DNM3: variants seen among roughly 807,000 people sequenced by gnomAD.
DNM3 encodes the protein dynamin-3.
In DNM3, 47 loss-of-function variants were observed where a neutral mutation model predicts 101.6. The observed-to-expected ratio is 0.46, with a 90% CI of 0.37 to 0.59. DNM3 has a LOEUF of 0.59. Among genes scored for constraint, DNM3 ranks in the 20% least tolerant of loss-of-function variants. The pLI, the probability that DNM3 is intolerant of heterozygous loss-of-function variation, is 0.00. For synonymous variants in DNM3, 385 were observed against 387.9 expected, an observed-to-expected ratio of 0.99 and a Z score of 0.09; for missense variants, 849 against 1,085.7, an observed-to-expected ratio of 0.78 and a Z score of 3.06.
chr1:171,996,388 G>T (rs1304565218), intron 4 of DNM3, among the ~76,000 whole-genome samples: 2 of 152,212 alleles, frequency 1.3e-5, no homozygotes, highest in Non-Finnish European at 2.9e-5. Context: ...CTAGAGGTTG[G>T]TATGGGTGAG....
At chr1:171,922,906 T>C (rs2040289894) in intron 2 of DNM3, among the ~76,000 whole-genome samples, 1 of 152,252 alleles carries the variant, frequency 6.6e-6, no homozygotes, top group African/African-American at 2.4e-5. Flanking sequence ...CCTAATAATA[T>C]TCCATTGTCT....
At chr1:171,937,750 T>C (rs943406779) in intron 2 of DNM3, among the ~76,000 whole-genome samples, 2 of 119,128 alleles carry the variant, frequency 1.7e-5, no homozygotes, top group African/African-American at 5.7e-5. Context: ...TTCTATTTTT[T>C]GTACAGAGAT....
intron 14 of DNM3, among the ~76,000 whole-genome samples, chr1:172,166,051 T>G (rs1452875009): frequency 1.3e-5 from 2 of 152,088 alleles, no homozygotes; most frequent in Non-Finnish European, 2.9e-5. Context: ...TTGCATCCTG[T>G]CCTAATCACT....
At chr1:171,944,074 C>T (rs1420084271) in intron 2 of DNM3, among the ~76,000 whole-genome samples, 9 of 152,138 alleles carry the variant, frequency 5.9e-5, no homozygotes. Flanking sequence ...GTCTCTGTTG[C>T]AGCTACTCAA....
chr1:172,198,982 T>C (rs1326624938), intron 14 of DNM3, among the ~76,000 whole-genome samples: 1 of 152,240 alleles, frequency 6.6e-6, no homozygotes, highest in Admixed American at 6.5e-5. Context: ...CTTCTCTAAT[T>C]ATTTCAGTTG....
intron 14 of DNM3, among the ~76,000 whole-genome samples, chr1:172,222,929 T>TG (rs1355467603): frequency 1.3e-5 from 2 of 152,172 alleles, no homozygotes; most frequent in Non-Finnish European, 1.5e-5. Flanking sequence ...TCTTTTTAAA[T>TG]TTTTTAAGTG....
rs1382996227 is a variant in DNM3 at position 171,959,627 on chromosome 1, G to A, written c.236-28029G>A. Among the ~76,000 whole-genome samples the A allele has an allele frequency of 2.0e-5, 3 of 152,250 alleles. No homozygotes were observed. The East Asian group carries it at 5.8e-4, about 29-fold the overall frequency. On this transcript the variant is annotated intron_variant, in intron 2 of 20. Transcript: ENST00000627582. ...AAAACAACAACAACAAAAGTGAAAA[G>A]AAAGTAATCCTGGGAAGCACCAGCA...
chr1:172,290,026 A>G (rs2063842563), intron 15 of DNM3: 1 of 922,084 alleles, frequency 1.1e-6, no homozygotes, highest in Non-Finnish European at 1.3e-6. Context: ...ATAATGTAAG[A>G]TCTTTGTGTC....
At chr1:172,123,680 T>G (rs1450320876) in intron 13 of DNM3, among the ~76,000 whole-genome samples, 2 of 152,212 alleles carry the variant, frequency 1.3e-5, no homozygotes, top group Non-Finnish European at 2.9e-5. Flanking sequence ...CTTCCCTTTT[T>G]GTCCATCCAG....
chr1:172,192,843 G>T (rs1053726896), intron 14 of DNM3, among the ~76,000 whole-genome samples: 2 of 151,492 alleles, frequency 1.3e-5, no homozygotes, highest in African/African-American at 4.9e-5. Flanking sequence ...ACATATGTGT[G>T]CATGTGTCTT....
intron 4 of DNM3, among the ~76,000 whole-genome samples, chr1:172,007,799 C>T (rs1315698090): frequency 6.6e-6 from 1 of 151,952 alleles, no homozygotes; most frequent in African/African-American, 2.4e-5. Flanking sequence ...CAGGGTATTG[C>T]TCTTTACATA....
At chr1:172,259,139 T>C (rs1478490372) in intron 15 of DNM3, among the ~76,000 whole-genome samples, 1 of 152,130 alleles carries the variant, frequency 6.6e-6, no homozygotes, top group Non-Finnish European at 1.5e-5. Context: ...TTTTTAAAAA[T>C]TTTTTGAGAT....
At chr1:171,900,751 C>G (rs964776848) in intron 1 of DNM3, among the ~76,000 whole-genome samples, 1 of 151,720 alleles carries the variant, frequency 6.6e-6, no homozygotes, top group Non-Finnish European at 1.5e-5. Flanking sequence ...GTCTTTTTCC[C>G]CAAGGTTAAA....
intron 16 of DNM3, among the ~76,000 whole-genome samples, chr1:172,312,839 C>A (rs1490113637): frequency 6.6e-6 from 1 of 152,172 alleles, no homozygotes; most frequent in Non-Finnish European, 1.5e-5. Flanking sequence ...GTATAAAATA[C>A]AACAGCCCTA....
chr1:172,273,263 A>G (rs1021429919), intron 15 of DNM3, among the ~76,000 whole-genome samples: 1 of 152,032 alleles, frequency 6.6e-6, no homozygotes, highest in Non-Finnish European at 1.5e-5. Flanking sequence ...ATATCTTTAG[A>G]TGTAGCTGTT....
intron 14 of DNM3, among the ~76,000 whole-genome samples, chr1:172,230,622 G>A (rs481154): frequency 0.046 from 6,924 of 152,092 alleles, 186 homozygotes; most frequent in African/African-American, 0.076. Flanking sequence ...CTTACTTACC[G>A]TTTCTTTTTT....
chr1:171,981,701 T>C (rs962455526), intron 2 of DNM3, among the ~76,000 whole-genome samples: 6 of 152,272 alleles, frequency 3.9e-5, no homozygotes, highest in Non-Finnish European at 8.8e-5. Context: ...TTCTTTGATA[T>C]AGTAATGTAT....
rs563627906 is a variant in DNM3, at chr1:172,175,272, A to G, written c.1659+43984A>G. 2.6e-5 allele frequency among the ~76,000 whole-genome samples: 4 copies of G among 151,958 alleles called. No individual in the cohort carries two copies. In the East Asian group the frequency reaches 7.8e-4, roughly 30 times the overall value. ...AGTAATATCTTTATTTGCAAACAAT[A>G]ATCTTCTTTTACTAATTATGTATAA... On this transcript the variant is annotated intron_variant, in intron 14 of 20. Transcript: ENST00000627582.
At position 171,978,571 on chromosome 1, in the gene DNM3, G is replaced by A. The variant is rs115399204; in HGVS notation, c.236-9085G>A. Reference sequence around the variant, plus strand: ...ATCGGACTTTGTAGAGTAGGCCAGGGTGAGGAATCTGGATTTTTCTAAATG... The same window carrying A: ...ATCGGACTTTGTAGAGTAGGCCAGGATGAGGAATCTGGATTTTTCTAAATG... On this transcript the variant is annotated intron_variant, in intron 2 of 20. Coordinates refer to ENST00000627582, the MANE Select transcript of DNM3 (RefSeq NM_015569.5). Among the ~76,000 whole-genome samples, 392 of 152,276 alleles carry A rather than the reference G, an allele frequency of 2.6e-3. 1 individual carries two copies. Among genetic ancestry groups the A allele is most frequent in the African/African-American group, 9.0e-3 (373 of 41,538 alleles).
Sources: gnomAD v4.1 joint callset for allele counts (sites outside exome capture counted in the v4.1 genomes callset) on GRCh38, gnomAD v4.1.1 for gene constraint, MANE v1.5 for transcripts, NCBI Gene and HGNC (gene_info 2026-07-23, HGNC 2026-07-21) for gene names.